Variants in PPFIBP1 observed in about 807,000 individuals in gnomAD.
PPFIBP1 encodes PPFIB scaffold protein 1, also known as liprin-beta-1.
In PPFIBP1, 112 loss-of-function variants were observed where a neutral mutation model predicts 137.8. The ratio of observed to expected loss-of-function variants is 0.81; its 90% CI spans 0.70 to 0.95. The LOEUF is 0.95. Ranked by LOEUF, PPFIBP1 falls within the 40% of genes least tolerant of loss-of-function variation. The pLI is 0.00. For synonymous variants in PPFIBP1, 378 were observed against 417.3 expected (o/e 0.91, Z 1.15); for missense variants, 1,083 against 1,196.6 (o/e 0.91, Z 1.40).
At chr12:27,603,209 G>C (rs1254406908) in intron 2 of PPFIBP1, among the ~76,000 whole-genome samples, 3 of 152,142 alleles carry the variant, frequency 2.0e-5, no homozygotes, top group Non-Finnish European at 4.4e-5. Context: ...TCAGGTTCCA[G>C]GTGCTGCATC....
At chr12:27,637,464 C>T (rs2346752) in intron 4 of PPFIBP1, 1 of 151,952 alleles carries the variant, frequency 6.6e-6, no homozygotes, top group South Asian at 2.1e-4. Context: ...ATGAAGATTC[C>T]GTTTTTATCC....
intron 12 of PPFIBP1, among the ~76,000 whole-genome samples, chr12:27,666,501 T>A (rs895503870): frequency 6.6e-6 from 1 of 152,250 alleles, no homozygotes; most frequent in East Asian, 1.9e-4. Flanking sequence ...CATTTTTTTC[T>A]GTTTTTAAAA....
rs2061365262 is a variant in PPFIBP1, at chr12:27,689,051, C to T, written c.2533C>T (p.Gln845Ter). ...TCGTTTTAACGTAGAAACAATGGCTCAGTTATTGAACATCCCACCCAATAA... is the reference window on the plus strand; with the variant it reads ...TCGTTTTAACGTAGAAACAATGGCTTAGTTATTGAACATCCCACCCAATAA... ...EPRFNVETMAQLLNIPPNKTL... is the reference protein window; with the variant it reads ...EPRFNVETMA The change falls in exon 27 of 30, where the codon CAG becomes TAG. Residue 845 changes from glutamine (Q) to a stop codon, truncating the protein, a stop_gained. Transcript: ENST00000228425. LOFTEE classifies it high-confidence loss of function. 2 of 1,613,242 alleles carry T rather than the reference C, an allele frequency of 1.2e-6. No individual in the cohort carries two copies. The highest frequency in any genetic ancestry group is 1.7e-6 in the Non-Finnish European group (2 of 1,179,834).
At position 27,640,611 on chromosome 12, in the gene PPFIBP1, C is replaced by A. The variant is rs935483936; in HGVS notation, c.271-5451C>A. Among the ~76,000 whole-genome samples the A allele has an allele frequency of 6.3e-5, 9 of 143,470 alleles. No homozygotes were observed. In the South Asian group the frequency reaches 7.4e-4, roughly 12 times the overall value. 94.1% of individuals were successfully genotyped at this position (143,470 alleles called of 152,430 possible). On this transcript the variant is annotated intron_variant, in intron 4 of 29. Coordinates refer to ENST00000228425, the MANE Select transcript of PPFIBP1 (RefSeq NM_003622.4). ...CCCCCCACCCCCGGGTTGCCCACTG[C>A]GAAGCTCATGCCCTCATTCCACCAC...
intron 27 of PPFIBP1, 122 bp from the exon 28 acceptor site, chr12:27,691,627 A>G (rs1318376739): frequency 4.6e-6 from 3 of 653,920 alleles, no homozygotes; most frequent in African/African-American, 3.7e-5. Flanking sequence ...CATGGGGTAA[A>G]TAATTAAATT....
intron 1 of PPFIBP1, among the ~76,000 whole-genome samples, chr12:27,539,466 C>T (rs552401778): frequency 3.3e-4 from 50 of 152,290 alleles, no homozygotes; most frequent in African/African-American, 1.2e-3. Flanking sequence ...TTTAAATCTT[C>T]TGATGGAAAA....
chr12:27,537,554 C>A (rs183973765), intron 1 of PPFIBP1, among the ~76,000 whole-genome samples: 56 of 152,286 alleles, frequency 3.7e-4, no homozygotes, highest in African/African-American at 1.3e-3. Flanking sequence ...CAGCAGAGTT[C>A]TCATCCTGTG....
At chr12:27,643,144 G>T (rs1450693253) in intron 4 of PPFIBP1, among the ~76,000 whole-genome samples, 2 of 147,724 alleles carry the variant, frequency 1.4e-5, no homozygotes, top group Non-Finnish European at 1.5e-5. Context: ...AAAGGAGCCA[G>T]TCTAGATAGA....
At chr12:27,564,033 T>G (rs1269177531) in intron 1 of PPFIBP1, among the ~76,000 whole-genome samples, 1 of 152,066 alleles carries the variant, frequency 6.6e-6, no homozygotes, top group East Asian at 1.9e-4. Context: ...CCACCACGAC[T>G]GGCTAATTTT....
intron 2 of PPFIBP1, among the ~76,000 whole-genome samples, chr12:27,619,054 A>G (rs1364067282): frequency 2.0e-5 from 3 of 152,144 alleles, no homozygotes; most frequent in Non-Finnish European, 4.4e-5. Context: ...GACAAGTGCT[A>G]TAGGAGTACT....
intron 19 of PPFIBP1, chr12:27,677,769 AT>A (rs2060617847): frequency 6.6e-6 from 1 of 152,358 alleles, no homozygotes; most frequent in Non-Finnish European, 1.5e-5. Context: ...TAGTTTTAAG[AT>A]GAGGATAAGC....
intron 1 of PPFIBP1, among the ~76,000 whole-genome samples, chr12:27,564,746 C>T (rs1350098522): frequency 2.6e-5 from 4 of 152,184 alleles, no homozygotes; most frequent in Non-Finnish European, 4.4e-5. Flanking sequence ...CCGGGTCTCT[C>T]CTGCCTCTCT....
chr12:27,668,688 C>T (rs1401081259), intron 13 of PPFIBP1, among the ~76,000 whole-genome samples: 1 of 152,200 alleles, frequency 6.6e-6, no homozygotes, highest in Middle Eastern at 3.2e-3. Flanking sequence ...TACAGAAGAA[C>T]ACATCCACAG....
At chr12:27,680,747 C>T (rs909548844) in intron 21 of PPFIBP1, among the ~76,000 whole-genome samples, 2 of 152,218 alleles carry the variant, frequency 1.3e-5, no homozygotes, top group Admixed American at 6.5e-5. Context: ...CTTAGAACTA[C>T]TACATTGACT....
chr12:27,647,255 C>T (rs2058574349), intron 5 of PPFIBP1, among the ~76,000 whole-genome samples: 2 of 152,204 alleles, frequency 1.3e-5, no homozygotes, highest in South Asian at 4.1e-4. Flanking sequence ...CCCGCCTCAG[C>T]CTCCCAAAGT....
chr12:27,646,172 C>T (rs753931428), intron 5 of PPFIBP1, 24 bp downstream of exon 5: 16 of 1,549,366 alleles, frequency 1.0e-5, no homozygotes, highest in South Asian at 2.2e-5. Context: ...AAATACTGTT[C>T]TTTCCTTGCA....
chr12:27,620,627 G>A (rs1279547082), intron 2 of PPFIBP1, among the ~76,000 whole-genome samples: 4 of 152,046 alleles, frequency 2.6e-5, no homozygotes, highest in South Asian at 4.2e-4. Context: ...CTGCCAGACT[G>A]TCTGACTTCA....
chr12:27,612,926 ACATCATCATCATCATCAT>A (rs71039826), intron 2 of PPFIBP1, among the ~76,000 whole-genome samples: 18 of 149,010 alleles, frequency 1.2e-4, no homozygotes, highest in African/African-American at 2.5e-4. Context: ...TAGATAATAC[ACATCATCATCATCATCAT>A]CATCATCATC....
chr12:27,675,006 T>A (rs546750167), intron 17 of PPFIBP1, among the ~76,000 whole-genome samples: 11 of 151,324 alleles, frequency 7.3e-5, no homozygotes, highest in African/African-American at 2.4e-4. Context: ...TTTTTTTTTT[T>A]ATTTTTTATT....
Sources: gnomAD v4.1 joint callset for allele counts (sites outside exome capture counted in the v4.1 genomes callset) on GRCh38, gnomAD v4.1.1 for gene constraint, MANE v1.5 for transcripts, NCBI Gene and HGNC (gene_info 2026-07-23, HGNC 2026-07-21) for gene names.